ANAPC10: variants seen among roughly 807,000 people sequenced by gnomAD.
ANAPC10 encodes anaphase promoting complex subunit 10.
A neutral mutation model predicts 22.0 loss-of-function variants in ANAPC10; 12 were observed. The ratio of observed to expected loss-of-function variants is 0.55; its 90% CI spans 0.35 to 0.88. The LOEUF is 0.88. ANAPC10 is among the 40% of genes least tolerant of loss of function. The pLI, the probability that ANAPC10 is intolerant of heterozygous loss-of-function variation, is 0.01. For synonymous variants in ANAPC10, 65 were observed against 69.5 expected (o/e 0.94, Z 0.32); for missense variants, 188 against 220.9 (o/e 0.85, Z 0.94).
At chr4:144,997,449 A>G (rs1731794883) in intron 4 of ANAPC10, among the ~76,000 whole-genome samples, 1 of 152,240 alleles carries the variant, frequency 6.6e-6, no homozygotes, top group Non-Finnish European at 1.5e-5. Flanking sequence ...TCTTAAAGAA[A>G]AGAATTTTCA....
At chr4:145,057,727 C>T (rs1742266593) in intron 4 of ANAPC10, among the ~76,000 whole-genome samples, 1 of 152,092 alleles carries the variant, frequency 6.6e-6, no homozygotes, top group African/African-American at 2.4e-5. Flanking sequence ...TTTCTCTCTG[C>T]CCCTCCCCCT....
chr4:144,995,551 T>A lies in ANAPC10; in HGVS notation c.380A>T (p.Asn127Ile). The part of the protein sequence containing the change: ...SGWIHVPLTD[N>I]HKKPTRTFMI... Reference sequence around the variant, plus strand: ...GAATGTACGAGTTGGCTTCTTATGATTGTCAGTTAAGGGAACATGAATCCA... The same window carrying A: ...GAATGTACGAGTTGGCTTCTTATGAATGTCAGTTAAGGGAACATGAATCCA... Residue 127 changes from asparagine to isoleucine, a missense_variant, in exon 5 of 5, where the codon AAT becomes ATT. Physicochemically the swap from Asn to Ile is moderately radical, Grantham distance 149. Transcript: ENST00000507656. 1 of 1,613,818 alleles carries A rather than the reference T, an allele frequency of 6.2e-7. No homozygotes were observed.
chr4:145,064,441 A>T (rs1379956756), intron 4 of ANAPC10, 131 bp downstream of exon 4: 11 of 670,848 alleles, frequency 1.6e-5, no homozygotes, highest in Non-Finnish European at 2.0e-5. Context: ...TTTACACTCA[A>T]ACATGTTTTC....
intron 1 of ANAPC10, among the ~76,000 whole-genome samples, chr4:145,096,788 G>A (rs529764331): frequency 6.6e-5 from 10 of 151,848 alleles, no homozygotes; most frequent in Non-Finnish European, 8.8e-5. Flanking sequence ...TGCTTCAAGC[G>A]ATCCTCCCAC....
chr4:144,996,662 A>C (rs1438252417), intron 4 of ANAPC10, among the ~76,000 whole-genome samples: 1 of 152,176 alleles, frequency 6.6e-6, no homozygotes, highest in African/African-American at 2.4e-5. Flanking sequence ...AATTCTAAAA[A>C]TCAGAGCACC....
intron 2 of ANAPC10, among the ~76,000 whole-genome samples, chr4:145,090,305 G>A (rs1747482955): frequency 6.6e-6 from 1 of 152,048 alleles, no homozygotes; most frequent in South Asian, 2.1e-4. Flanking sequence ...TTTTGTTGTT[G>A]TATTGTTATT....
At chr4:145,015,217 C>G (rs1255162981) in intron 4 of ANAPC10, among the ~76,000 whole-genome samples, 2 of 151,828 alleles carry the variant, frequency 1.3e-5, no homozygotes, top group Non-Finnish European at 2.9e-5. Flanking sequence ...GAGAGATATT[C>G]AAGGAAATAG....
chr4:145,034,239 C>T (rs1279891452), intron 4 of ANAPC10, among the ~76,000 whole-genome samples: 2 of 151,986 alleles, frequency 1.3e-5, no homozygotes, highest in Admixed American at 6.6e-5. Context: ...AGATTAACAT[C>T]TGAGTCACTG....
At chr4:145,017,833 A>C (rs1477930265) in intron 4 of ANAPC10, among the ~76,000 whole-genome samples, 1 of 152,024 alleles carries the variant, frequency 6.6e-6, no homozygotes, top group African/African-American at 2.4e-5. Context: ...ATGGATGAAG[A>C]TGGAAACCAT....
chr4:145,081,858 G>A, intron 2 of ANAPC10, 108 bp from the exon 3 acceptor site: 1 of 802,192 alleles, frequency 1.2e-6, no homozygotes, highest in Non-Finnish European at 2.1e-6. Context: ...TAAACAGAAA[G>A]GTCAGAAATA....
intron 4 of ANAPC10, among the ~76,000 whole-genome samples, chr4:145,036,233 T>C (rs1463891119): frequency 4.0e-5 from 6 of 151,832 alleles, no homozygotes; most frequent in Admixed American, 1.3e-4. Flanking sequence ...ATAAGGGAAG[T>C]AGATGAGAGA....
chr4:145,026,856 G>A (rs1362839119), intron 4 of ANAPC10, among the ~76,000 whole-genome samples: 1 of 138,152 alleles, frequency 7.2e-6, no homozygotes, highest in Non-Finnish European at 1.5e-5. Flanking sequence ...TTTTTAAAAT[G>A]GTCAAAGAAC....
chr4:145,021,796 T>G (rs1294475473), intron 4 of ANAPC10, among the ~76,000 whole-genome samples: 2 of 152,082 alleles, frequency 1.3e-5, no homozygotes, highest in Non-Finnish European at 2.9e-5. Context: ...ATATCCAGAA[T>G]CTACAATGAA....
chr4:145,092,694 C>T (rs976968726), intron 2 of ANAPC10, among the ~76,000 whole-genome samples: 4 of 152,108 alleles, frequency 2.6e-5, no homozygotes, highest in African/African-American at 9.7e-5. Flanking sequence ...CAGCCTAAGT[C>T]AGTGCTACAG....
At position 145,077,040 on chromosome 4, in the gene ANAPC10, A is replaced by T. The variant is rs1363437529; in HGVS notation, c.206+4620T>A. 2.6e-5 allele frequency among the ~76,000 whole-genome samples: 4 copies of T among 152,156 alleles called. No individual in the cohort carries two copies. In the East Asian group the frequency reaches 7.7e-4, roughly 29 times the overall value. On this transcript the variant is annotated intron_variant, in intron 3 of 4. Transcript: ENST00000507656. The stretch of plus-strand genomic sequence containing the variant: ...CGGTGAAACCCTGTCTCCACTAAAA[A>T]TACAAAAAATTAGGTGGGCGTGGTG...
At chr4:144,997,666 C>T (rs1228291715) in intron 4 of ANAPC10, among the ~76,000 whole-genome samples, 1 of 152,198 alleles carries the variant, frequency 6.6e-6, no homozygotes, top group Admixed American at 6.5e-5. Context: ...GAAGAAACTG[C>T]ATCAACTAAG....
chr4:145,072,028 A>C (rs1744561868), intron 3 of ANAPC10, among the ~76,000 whole-genome samples: 1 of 152,140 alleles, frequency 6.6e-6, no homozygotes, highest in African/African-American at 2.4e-5. Context: ...ACAAAAAAAA[A>C]CTAGGTAGGG....
At chr4:145,040,213 C>T (rs1234843286) in intron 4 of ANAPC10, among the ~76,000 whole-genome samples, 4 of 151,760 alleles carry the variant, frequency 2.6e-5, no homozygotes, top group Admixed American at 2.0e-4. Flanking sequence ...TACAATGGCA[C>T]GATCTGGGCT....
At chr4:145,044,409 CT>C (rs1579017330) in intron 4 of ANAPC10, among the ~76,000 whole-genome samples, 1 of 152,074 alleles carries the variant, frequency 6.6e-6, no homozygotes, top group Non-Finnish European at 1.5e-5. Flanking sequence ...GTGTTTCTCT[CT>C]AACGTTTTGT....
Sources: allele counts gnomAD v4.1 joint callset (sites outside exome capture counted in the v4.1 genomes callset), GRCh38; gene constraint gnomAD v4.1.1; transcripts MANE v1.5; gene names NCBI Gene and HGNC (gene_info 2026-07-23, HGNC 2026-07-21).